The following TENM3 variants were observed in gnomAD, a reference collection of about 807,000 sequenced individuals.
TENM3 encodes the protein teneurin transmembrane protein 3.
Under a neutral mutation model 255.1 loss-of-function variants are expected in TENM3, and 63 were observed. That is an observed-to-expected ratio of 0.25 (90% CI 0.20 to 0.30). The LOEUF is 0.30. Ranked by LOEUF, TENM3 falls within the 10% of genes least tolerant of loss-of-function variation. The probability of loss-of-function intolerance (pLI) is 1.00; values close to 1 mark genes in which losing one functional copy is unlikely to be tolerated. For missense variants in TENM3, 2,929 were observed against 3,461.1 expected, an observed-to-expected ratio of 0.85 and a Z score of 3.86; for synonymous variants, 1,306 against 1,322.3, an observed-to-expected ratio of 0.99 and a Z score of 0.27.
At chr4:181,659,717 A>C in the TENM3 span, among the ~76,000 whole-genome samples, 11 of 152,328 alleles carry the variant, frequency 7.2e-5, no homozygotes, top group Admixed American at 2.6e-4. Context: ...GCTGTTTTTC[A>C]TCTGCTCTTG....
intron 20 of TENM3, 54 bp downstream of exon 20, chr4:182,752,086 A>AG: frequency 1.8e-6 from 2 of 1,142,420 alleles, no homozygotes; most frequent in Non-Finnish European, 1.2e-6. Context: ...AAAAAAAAAA[A>AG]AAGGGGTTGA....
chr4:182,028,474 T>A, the TENM3 span, among the ~76,000 whole-genome samples: 1 of 152,200 alleles, frequency 6.6e-6, no homozygotes, highest in Non-Finnish European at 1.5e-5. Context: ...ATTATTTATT[T>A]TCTTCTATTA....
chr4:181,598,688 GAA>G, the TENM3 span, among the ~76,000 whole-genome samples: 1 of 112,686 alleles, frequency 8.9e-6, no homozygotes, highest in African/African-American at 3.3e-5. Flanking sequence ...ACAAGCATAA[GAA>G]AAAAAAAAAA....
chr4:182,666,932 C>G (rs1754742355), intron 6 of TENM3, among the ~76,000 whole-genome samples: 1 of 152,024 alleles, frequency 6.6e-6, no homozygotes, highest in South Asian at 2.1e-4. Context: ...CTATTGCACA[C>G]TTAGTAGACT....
At chr4:181,635,401 C>A in the TENM3 span, among the ~76,000 whole-genome samples, 6 of 152,132 alleles carry the variant, frequency 3.9e-5, no homozygotes, top group Non-Finnish European at 7.3e-5. Flanking sequence ...CAGTTTCCAT[C>A]GAATGATCAA....
At chr4:182,562,604 C>T (rs1743315210) in intron 3 of TENM3, among the ~76,000 whole-genome samples, 1 of 152,128 alleles carries the variant, frequency 6.6e-6, no homozygotes, top group Non-Finnish European at 1.5e-5. Context: ...AGCAGGCTGC[C>T]ACTTTGAGGC....
the TENM3 span, among the ~76,000 whole-genome samples, chr4:181,858,559 C>T: frequency 6.6e-6 from 1 of 152,176 alleles, no homozygotes; most frequent in Non-Finnish European, 1.5e-5. Context: ...CGTTCCTGCT[C>T]TCATGGAGCT....
the TENM3 span, among the ~76,000 whole-genome samples, chr4:181,626,538 A>G: frequency 5.3e-5 from 8 of 152,166 alleles, no homozygotes; most frequent in Admixed American, 2.0e-4. Flanking sequence ...TGGAGCCTGC[A>G]TGTTACATTG....
chr4:182,776,272 C>T (rs1579458156), intron 24 of TENM3, among the ~76,000 whole-genome samples: 1 of 152,066 alleles, frequency 6.6e-6, no homozygotes, highest in Admixed American at 6.6e-5. Flanking sequence ...ATCAGCCAGG[C>T]GTGGAGGTGG....
At chr4:182,464,601 T>C (rs1297583218) in intron 3 of TENM3, among the ~76,000 whole-genome samples, 6 of 152,146 alleles carry the variant, frequency 3.9e-5, no homozygotes, top group Admixed American at 3.9e-4. Flanking sequence ...AATACTAGAG[T>C]ATGAACTAGG....
the TENM3 span, among the ~76,000 whole-genome samples, chr4:182,094,941 T>TA: frequency 0.29 from 30,894 of 105,348 alleles, 3,490 homozygotes; most frequent in Non-Finnish European, 0.34. Context: ...AAATAGAAGG[T>TA]AAAAAAAAAA....
intron 1 of TENM3, among the ~76,000 whole-genome samples, chr4:182,192,991 A>G (rs1350387861): frequency 1.3e-5 from 2 of 152,124 alleles, no homozygotes; most frequent in African/African-American, 4.8e-5. Context: ...GCAATTACTC[A>G]CCTAATCTTC....
At chr4:181,691,962 T>C in the TENM3 span, among the ~76,000 whole-genome samples, 1 of 152,212 alleles carries the variant, frequency 6.6e-6, no homozygotes, top group East Asian at 1.9e-4. Context: ...TAGGTGCTTG[T>C]CTTTAAGTTG....
Position 182,299,102 on chromosome 4 carries a change from G to T in TENM3, c.-75-24844G>T, listed in dbSNP as rs555914562. ...GAGAGTTGTGAAACCACTGGCTGGG[G>T]CTTACTGAGGACTGAAAGAATAATG... is the stretch of plus-strand genomic sequence containing the variant. On this transcript the variant is annotated intron_variant, in intron 1 of 27. Transcript: ENST00000511685. Among the ~76,000 whole-genome samples the T allele has an allele frequency of 1.4e-4, 21 of 150,578 alleles. 1 individual carries two copies. In the South Asian group the frequency reaches 4.4e-3, roughly 32 times the overall value.
the TENM3 span, among the ~76,000 whole-genome samples, chr4:181,467,953 A>G: frequency 1.3e-5 from 2 of 152,122 alleles, no homozygotes; most frequent in Non-Finnish European, 2.9e-5. Context: ...CAAAAACACT[A>G]CTTGGGTCAG....
At chr4:182,512,020 A>C (rs1255529545) in intron 3 of TENM3, among the ~76,000 whole-genome samples, 1 of 152,206 alleles carries the variant, frequency 6.6e-6, no homozygotes, top group Non-Finnish European at 1.5e-5. Context: ...GACTCTACCC[A>C]GGTAGATCAG....
intron 3 of TENM3, among the ~76,000 whole-genome samples, chr4:182,389,277 C>T (rs978552804): frequency 6.6e-6 from 1 of 151,998 alleles, no homozygotes; most frequent in African/African-American, 2.4e-5. Flanking sequence ...TTTCCACCTG[C>T]CCTACAAACT....
chr4:182,487,883 G>A (rs1175036180), intron 3 of TENM3, among the ~76,000 whole-genome samples: 1 of 152,118 alleles, frequency 6.6e-6, no homozygotes, highest in African/African-American at 2.4e-5. Context: ...AGTTTTTGTA[G>A]TGCAAACAGA....
At chr4:181,828,248 C>A in the TENM3 span, among the ~76,000 whole-genome samples, 1 of 152,226 alleles carries the variant, frequency 6.6e-6, no homozygotes, top group Non-Finnish European at 1.5e-5. Context: ...TCCTCTGCCG[C>A]CCCTGACTGC....
Sources: allele counts gnomAD v4.1 joint callset (sites outside exome capture counted in the v4.1 genomes callset), GRCh38; gene constraint gnomAD v4.1.1; transcripts MANE v1.5; gene names NCBI Gene and HGNC (gene_info 2026-07-23, HGNC 2026-07-21).